The following IQGAP2 variants were observed in gnomAD, a reference collection of about 807,000 sequenced individuals.
IQGAP2 encodes the protein IQ motif containing GTPase activating protein 2.
In IQGAP2, 173 loss-of-function variants were observed where a neutral mutation model predicts 201.3. The ratio of observed to expected loss-of-function variants is 0.86; its 90% CI spans 0.76 to 0.98. IQGAP2 has a LOEUF of 0.98. IQGAP2 is among the 50% of genes least tolerant of loss of function. The pLI is 0.00. For missense variants in IQGAP2, 1,687 were observed against 1,864.8 expected, an observed-to-expected ratio of 0.90 and a Z score of 1.76; for synonymous variants, 675 against 673.9, an observed-to-expected ratio of 1.00 and a Z score of -0.03.
chr5:76,573,091 G>T (rs777681165), intron 4 of IQGAP2, among the ~76,000 whole-genome samples: 1 of 152,164 alleles, frequency 6.6e-6, no homozygotes, highest in Admixed American at 6.5e-5. Flanking sequence ...TTGTGATTTA[G>T]CAACTACTAA....
chr5:76,632,627 T>C (rs7728450), intron 15 of IQGAP2, among the ~76,000 whole-genome samples: 18,009 of 152,146 alleles, frequency 0.12, 1,165 homozygotes, highest in Middle Eastern at 0.22. Context: ...GGACAATTAA[T>C]TTTTATTCCA....
At chr5:76,582,106 A>T (rs900330557) in intron 5 of IQGAP2, among the ~76,000 whole-genome samples, 3 of 152,218 alleles carry the variant, frequency 2.0e-5, no homozygotes, top group Non-Finnish European at 2.9e-5. Flanking sequence ...TTTTATCACC[A>T]AGGCAGTTGA....
chr5:76,507,162 C>G (rs545680556), intron 2 of IQGAP2, among the ~76,000 whole-genome samples: 1 of 152,284 alleles, frequency 6.6e-6, no homozygotes, highest in South Asian at 2.1e-4. Context: ...GGTGAAAGAA[C>G]AGACAAATAG....
chr5:76,533,906 C>A (rs989151133), intron 2 of IQGAP2, among the ~76,000 whole-genome samples: 1 of 152,112 alleles, frequency 6.6e-6, no homozygotes, highest in East Asian at 1.9e-4. Flanking sequence ...GAATACGAAC[C>A]CTTTGTTACA....
In IQGAP2 at chr5:76,627,434, C is replaced by A. The variant is rs1167639305; in HGVS notation, c.1546C>A (p.Leu516Ile). ...LGDSESVSKV[L>I]WLDEIQQAVD... ...GGACTCTGAGAGTGTTTCCAAAGTG[C>A]TTTGGCTGGATGAGATACAGCAAGC... The change falls in exon 14 of 36, where the codon CTT becomes ATT. Residue 516 changes from leucine (L) to isoleucine (I), a missense_variant. Transcript: ENST00000274364. 6.2e-7 allele frequency: 1 copy of A among 1,602,648 alleles called. No individual in the cohort carries two copies. The highest frequency in any genetic ancestry group is 1.1e-5 in the South Asian group (1 of 90,750).
At chr5:76,498,995 A>G (rs1757135608) in intron 2 of IQGAP2, among the ~76,000 whole-genome samples, 1 of 152,236 alleles carries the variant, frequency 6.6e-6, no homozygotes, top group African/African-American at 2.4e-5. Context: ...CTTTTGGGCA[A>G]ACTCTTGGAT....
chr5:76,411,836 G>A (rs1580134938), intron 1 of IQGAP2, among the ~76,000 whole-genome samples: 3 of 152,198 alleles, frequency 2.0e-5, no homozygotes, highest in East Asian at 3.8e-4. Flanking sequence ...ATAAAGCAAG[G>A]TTAGCTTCCC....
intron 2 of IQGAP2, among the ~76,000 whole-genome samples, chr5:76,551,982 C>T (rs1743584348): frequency 6.6e-6 from 1 of 152,014 alleles, no homozygotes; most frequent in East Asian, 1.9e-4. Context: ...CAATGACAGC[C>T]TCACCCTCTC....
At chr5:76,517,893 T>C (rs1286900831) in intron 2 of IQGAP2, among the ~76,000 whole-genome samples, 1 of 152,168 alleles carries the variant, frequency 6.6e-6, no homozygotes, top group Non-Finnish European at 1.5e-5. Context: ...TATTAGTCCA[T>C]TTTCACGCTG....
intron 2 of IQGAP2, among the ~76,000 whole-genome samples, chr5:76,559,118 A>T (rs1015754872): frequency 6.6e-6 from 1 of 151,716 alleles, no homozygotes; most frequent in African/African-American, 2.4e-5. Context: ...AGCCAGGATG[A>T]TCTCTATCTC....
intron 3 of IQGAP2, among the ~76,000 whole-genome samples, chr5:76,563,828 G>T (rs1050996913): frequency 2.0e-5 from 3 of 152,008 alleles, no homozygotes; most frequent in Non-Finnish European, 4.4e-5. Flanking sequence ...AGTTGGAAAA[G>T]GAATGATTTC....
At chr5:76,625,363 G>T (rs1026867536) in intron 13 of IQGAP2, among the ~76,000 whole-genome samples, 5 of 152,170 alleles carry the variant, frequency 3.3e-5, no homozygotes, top group Admixed American at 6.5e-5. Flanking sequence ...AACTCATAGA[G>T]CTTAGTTTTT....
At chr5:76,695,383 C>G in intron 31 of IQGAP2, 71 bp from the exon 32 acceptor site, 1 of 1,280,928 alleles carries the variant, frequency 7.8e-7, no homozygotes, top group African/African-American at 1.5e-5. Flanking sequence ...CATTAACTTG[C>G]ATTGTGTAGC....
At chr5:76,436,436 A>G (rs1272139580) in intron 1 of IQGAP2, among the ~76,000 whole-genome samples, 3 of 126,982 alleles carry the variant, frequency 2.4e-5, no homozygotes, top group Admixed American at 1.8e-4. Context: ...AAAGAATGCT[A>G]GGTTTTATCA....
intron 11 of IQGAP2, 75 bp downstream of exon 11, chr5:76,601,047 C>A: frequency 6.8e-7 from 1 of 1,461,760 alleles, no homozygotes; most frequent in Admixed American, 1.8e-5. Flanking sequence ...AGGAATTTGC[C>A]TGTTGGTGGA....
chr5:76,600,777 G>T, intron 10 of IQGAP2, 35 bp from the exon 11 acceptor site: 1 of 1,611,516 alleles, frequency 6.2e-7, no homozygotes, highest in African/African-American at 1.3e-5. Flanking sequence ...GGTGTGTTGT[G>T]TGGGGAGCTT....
intron 1 of IQGAP2, among the ~76,000 whole-genome samples, chr5:76,419,873 C>T (rs546159974): frequency 6.6e-6 from 1 of 152,278 alleles, no homozygotes; most frequent in South Asian, 2.1e-4. Context: ...TTCTCTCCAG[C>T]TTCATCCTCA....
At chr5:76,670,587 C>G (rs1041284295) in intron 23 of IQGAP2, among the ~76,000 whole-genome samples, 1 of 151,988 alleles carries the variant, frequency 6.6e-6, no homozygotes, top group African/African-American at 2.4e-5. Flanking sequence ...AAAGGAATGA[C>G]TGGGTAAGAT....
intron 1 of IQGAP2, among the ~76,000 whole-genome samples, chr5:76,421,063 C>T (rs1751707512): frequency 6.6e-6 from 1 of 152,108 alleles, no homozygotes; most frequent in East Asian, 1.9e-4. Context: ...TGAGCCTTTG[C>T]TTTAGTTTTG....
Sources: gnomAD v4.1 joint callset for allele counts (sites outside exome capture counted in the v4.1 genomes callset) on GRCh38, gnomAD v4.1.1 for gene constraint, MANE v1.5 for transcripts, NCBI Gene and HGNC (gene_info 2026-07-23, HGNC 2026-07-21) for gene names.